Variants in VRK2 observed in about 807,000 individuals in gnomAD.
The protein encoded by VRK2 is VRK serine/threonine kinase 2.
A neutral mutation model predicts 57.6 loss-of-function variants in VRK2; 60 were observed. That is an observed-to-expected ratio of 1.04 (90% CI 0.85 to 1.29). The LOEUF (loss-of-function observed/expected upper bound fraction) is 1.29, where lower values mean the gene tolerates loss of function less well. Ranked by LOEUF, VRK2 falls within the 50% of genes most tolerant of loss-of-function variation. The probability of loss-of-function intolerance (pLI) is 0.00; values close to 1 mark genes in which losing one functional copy is unlikely to be tolerated. For synonymous variants in VRK2, 231 were observed against 199.2 expected, an observed-to-expected ratio of 1.16 and a Z score of -1.35; for missense variants, 705 against 588.1, an observed-to-expected ratio of 1.20 and a Z score of -2.06.
At chr2:58,076,703 T>A (rs1159057938) in intron 2 of VRK2, among the ~76,000 whole-genome samples, 1 of 151,986 alleles carries the variant, frequency 6.6e-6, no homozygotes, top group Non-Finnish European at 1.5e-5. Flanking sequence ...GTGTTTATCA[T>A]TAGTTTTTTT....
At chr2:58,085,927 T>C (rs996417572) in intron 4 of VRK2, among the ~76,000 whole-genome samples, 3 of 141,148 alleles carry the variant, frequency 2.1e-5, no homozygotes, top group African/African-American at 8.9e-5. Flanking sequence ...CTGCTTTTTT[T>C]TTCTTTTTTT....
rs60956789 is a variant in VRK2, at chr2:58,121,487, C to T, written c.544-1614C>T. Among the ~76,000 whole-genome samples, 1,390 of 152,194 alleles carry T rather than the reference C, an allele frequency of 9.1e-3. 19 individuals carry two copies. The highest frequency in any genetic ancestry group is 0.031 in the African/African-American group (1,288 of 41,522). ...TCTAGTTAAGTTAGGGCAGAGAGAT[C>T]AATTACTTCTGAGGCCATGTTAAGA... On this transcript the variant is annotated intron_variant, in intron 7 of 12. Coordinates refer to ENST00000340157, the MANE Select transcript of VRK2 (RefSeq NM_006296.7).
Position 57,975,245 on chromosome 2 carries a change from T to TGA in VRK2, c.-438-50417_-438-50416dup, listed in dbSNP as rs1262960553. On this transcript the variant is annotated intron_variant, in intron 1 of 15. Coordinates refer to the VRK2 transcript ENST00000417641. ...ATACCAAGGTATTCATATCAGTGACTGAGATGAAACACACCCCAAATCAAC... is the reference window on the plus strand; with the variant it reads ...ATACCAAGGTATTCATATCAGTGACTGAGAGATGAAACACACCCCAAATCAAC... Among the ~76,000 whole-genome samples, 5 of 152,088 alleles carry TGA rather than the reference T, an allele frequency of 3.3e-5. No individual in the cohort carries two copies. The East Asian group carries it at 7.7e-4, about 23-fold the overall frequency.
chr2:57,930,740 T>A (rs1670691967), intron 1 of VRK2, among the ~76,000 whole-genome samples: 1 of 152,100 alleles, frequency 6.6e-6, no homozygotes, highest in Non-Finnish European at 1.5e-5. Context: ...CATCTCCTCA[T>A]TTCTCCCCCA....
intron 1 of VRK2, among the ~76,000 whole-genome samples, chr2:57,974,997 A>G (rs922459893): frequency 4.7e-5 from 7 of 150,306 alleles, no homozygotes; most frequent in African/African-American, 1.7e-4. Flanking sequence ...TTTAAACAAT[A>G]TAAGTTTTAA....
chr2:57,912,447 C>T (rs1387213810), intron 1 of VRK2, among the ~76,000 whole-genome samples: 1 of 151,628 alleles, frequency 6.6e-6, no homozygotes, highest in Non-Finnish European at 1.5e-5. Context: ...ATACAAAAGA[C>T]TAAAACTTGA....
intron 7 of VRK2, among the ~76,000 whole-genome samples, chr2:58,113,186 GTAATCCCA>G (rs1484215518): frequency 6.6e-6 from 1 of 151,964 alleles, no homozygotes; most frequent in African/African-American, 2.4e-5. Flanking sequence ...GCACACGGCT[GTAATCCCA>G]GCTACTCAGG....
At position 57,925,595 on chromosome 2, in the gene VRK2, A is replaced by G. The variant is rs553876985; in HGVS notation, c.-439+17756A>G. Among the ~76,000 whole-genome samples, 191 of 151,494 alleles carry G rather than the reference A, an allele frequency of 1.3e-3. 2 individuals are homozygous for G. The highest frequency in any genetic ancestry group is 4.4e-3 in the African/African-American group (183 of 41,386). The stretch of plus-strand genomic sequence containing the variant: ...TTATTTGGGTCTTCTCTCTTTTTTT[A>G]ATAGTCTGGCTCAAGGTTTGTCTAC... On this transcript the variant is annotated intron_variant, in intron 1 of 15. Transcript: ENST00000417641.
At chr2:58,143,563 C>T (rs918256233) in intron 11 of VRK2, among the ~76,000 whole-genome samples, 1 of 151,920 alleles carries the variant, frequency 6.6e-6, no homozygotes, top group Non-Finnish European at 1.5e-5. Flanking sequence ...ATCATCTCTT[C>T]CAGGAACTTT....
At chr2:58,058,623 G>C (rs1676883710) in intron 2 of VRK2, 1 of 239,094 alleles carries the variant, frequency 4.2e-6, no homozygotes, top group Non-Finnish European at 8.6e-6. Context: ...AGATGTGTCA[G>C]ATGTGTCTGT....
Position 58,123,128 on chromosome 2 carries a change from TA to T in VRK2, c.572del (p.Tyr191SerfsTer24). 1.2e-6 allele frequency: 2 copies of T among 1,601,402 alleles called. No individual in the cohort carries two copies. Among genetic ancestry groups the T allele is most frequent in the Non-Finnish European group, 1.7e-6 (2 of 1,176,466 alleles). On this transcript the variant is annotated frameshift_variant, in exon 8 of 13. Transcript: ENST00000340157. LOFTEE classifies it high-confidence loss of function. ...QVYLADYGLS[Y>X]RYCPNGNHKQ... ...TTATCTTGCAGATTATGGACTTTCCTACAGATATTGTCCCAATGGGAACCAC... is the reference window on the plus strand; with the variant it reads ...TTATCTTGCAGATTATGGACTTTCCTCAGATATTGTCCCAATGGGAACCAC...
intron 3 of VRK2, among the ~76,000 whole-genome samples, chr2:58,039,123 G>A (rs535826888): frequency 3.3e-5 from 5 of 152,070 alleles, no homozygotes; most frequent in South Asian, 2.1e-4. Flanking sequence ...TCTGATTTAC[G>A]TAAAAATAAA....
intron 1 of VRK2, among the ~76,000 whole-genome samples, chr2:57,970,438 AT>A (rs935485730): frequency 6.6e-6 from 1 of 151,106 alleles, no homozygotes; most frequent in African/African-American, 2.4e-5. Flanking sequence ...TTCTTTGTGG[AT>A]TTTTTTTATC....
At chr2:58,109,825 AGAGAGAG>A (rs1444695054) in intron 7 of VRK2, among the ~76,000 whole-genome samples, 3 of 152,212 alleles carry the variant, frequency 2.0e-5, no homozygotes, top group Non-Finnish European at 1.5e-5. Context: ...ATAACTCACC[AGAGAGAG>A]GATTTCACAG....
intron 10 of VRK2, among the ~76,000 whole-genome samples, chr2:58,137,200 A>ATATG (rs1315217469): frequency 1.5e-3 from 27 of 18,558 alleles, no homozygotes; most frequent in Non-Finnish European, 1.9e-3. Context: ...ATACATATAT[A>ATATG]TCTCATATAT....
At chr2:57,972,361 A>G (rs956130644) in intron 1 of VRK2, among the ~76,000 whole-genome samples, 1 of 151,850 alleles carries the variant, frequency 6.6e-6, no homozygotes, top group Non-Finnish European at 1.5e-5. Context: ...CTCTCTTACC[A>G]AAAGTTTTAA....
chr2:57,915,053 A>G lies in VRK2; in HGVS notation c.-439+7214A>G, dbSNP rs72945337. Among the ~76,000 whole-genome samples the G allele has an allele frequency of 4.8e-3, 725 of 152,296 alleles. 9 individuals are homozygous for G. The highest frequency in any genetic ancestry group is 0.017 in the African/African-American group (697 of 41,580). ...TTATATTAAATAAGTGCACTGTAAAATGAAATGTACATAATATATATTTAC... is the reference window on the plus strand; with the variant it reads ...TTATATTAAATAAGTGCACTGTAAAGTGAAATGTACATAATATATATTTAC... On this transcript the variant is annotated intron_variant, in intron 1 of 15. Coordinates refer to the VRK2 transcript ENST00000417641.
At chr2:57,972,982 A>G (rs1173324982) in intron 1 of VRK2, among the ~76,000 whole-genome samples, 7 of 152,012 alleles carry the variant, frequency 4.6e-5, no homozygotes, top group African/African-American at 1.7e-4. Flanking sequence ...TCTAGTGAGT[A>G]GTCTTGTGAA....
In VRK2 at chr2:58,113,691, A is replaced by G. The variant is rs545091736; in HGVS notation, c.544-9410A>G. 2.0e-4 allele frequency among the ~76,000 whole-genome samples: 31 copies of G among 152,264 alleles called. 1 individual carries two copies. The East Asian group carries it at 6.0e-3, about 29-fold the overall frequency. On this transcript the variant is annotated intron_variant, in intron 7 of 12. Transcript: ENST00000340157. Reference sequence around the variant, plus strand: ...CAGGAGAAGGAAATTCACACGGTTAATCACTTAGTTAAGGTGGGGCAGGAA... The same window carrying G: ...CAGGAGAAGGAAATTCACACGGTTAGTCACTTAGTTAAGGTGGGGCAGGAA...
Sources: allele counts gnomAD v4.1 joint callset (sites outside exome capture counted in the v4.1 genomes callset), GRCh38; gene constraint gnomAD v4.1.1; transcripts MANE v1.5; gene names NCBI Gene and HGNC (gene_info 2026-07-23, HGNC 2026-07-21).